STK33: variants seen among roughly 807,000 people sequenced by gnomAD.
STK33 encodes serine/threonine kinase 33, also known as serine/threonine-protein kinase 33.
A neutral mutation model predicts 58.0 loss-of-function variants in STK33; 52 were observed. That is an observed-to-expected ratio of 0.90 (90% confidence interval 0.72 to 1.13). The LOEUF (loss-of-function observed/expected upper bound fraction) is 1.13. Among genes scored for constraint, STK33 ranks in the 50% most tolerant of loss-of-function variants. The pLI is 0.00. For missense variants in STK33, 630 were observed against 604.2 expected (o/e 1.04, Z -0.45); for synonymous variants, 215 against 200.1 (o/e 1.07, Z -0.63).
At chr11:8,435,127 C>A (rs373681235) in intron 14 of STK33, among the ~76,000 whole-genome samples, 8 of 152,286 alleles carry the variant, frequency 5.3e-5, no homozygotes, top group African/African-American at 1.2e-4. Context: ...ATTTTCTACA[C>A]CCCAAGAGTT....
intron 1 of STK33, among the ~76,000 whole-genome samples, chr11:8,548,881 T>A (rs1189003798): frequency 2.0e-5 from 3 of 152,214 alleles, no homozygotes; most frequent in Non-Finnish European, 4.4e-5. Context: ...TATATTCTTG[T>A]AGCTATTGTA....
At chr11:8,506,771 A>G (rs980775602) in intron 1 of STK33, among the ~76,000 whole-genome samples, 1 of 152,000 alleles carries the variant, frequency 6.6e-6, no homozygotes, top group Non-Finnish European at 1.5e-5. Context: ...CTTTATGGCC[A>G]TTTTCCCTCT....
At chr11:8,529,989 T>C (rs2140098831) in intron 1 of STK33, among the ~76,000 whole-genome samples, 1 of 152,230 alleles carries the variant, frequency 6.6e-6, no homozygotes, top group Middle Eastern at 3.4e-3. Context: ...AGCTGGATGT[T>C]TTTAAATGAA....
At chr11:8,419,289 C>A (rs1209885253) in intron 14 of STK33, among the ~76,000 whole-genome samples, 1 of 152,146 alleles carries the variant, frequency 6.6e-6, no homozygotes. Context: ...CAGTTTTAAT[C>A]TTCTGCATAT....
intron 11 of STK33, among the ~76,000 whole-genome samples, chr11:8,448,837 T>G (rs1945870617): frequency 6.6e-6 from 1 of 151,888 alleles, no homozygotes; most frequent in South Asian, 2.1e-4. Flanking sequence ...ACCATCAGAG[T>G]GCACAGGCAA....
intron 10 of STK33, among the ~76,000 whole-genome samples, chr11:8,454,400 G>T (rs79330550): frequency 1.3e-5 from 2 of 151,998 alleles, no homozygotes; most frequent in Non-Finnish European, 2.9e-5. Context: ...AAAAGCACAC[G>T]CAAGGTGTGC....
chr11:8,537,826 TAAAA>T (rs1322304509), intron 1 of STK33, among the ~76,000 whole-genome samples: 1 of 143,376 alleles, frequency 7.0e-6, no homozygotes, highest in Admixed American at 6.9e-5. Flanking sequence ...AAAAAAAAAT[TAAAA>T]AAATAATAAA....
At chr11:8,359,543 T>A in the STK33 span, among the ~76,000 whole-genome samples, 3 of 152,154 alleles carry the variant, frequency 2.0e-5, no homozygotes, top group African/African-American at 7.2e-5. Flanking sequence ...TGATGCTGGG[T>A]GGTCCGGGCA....
chr11:8,528,160 G>T (rs953713547), intron 1 of STK33, among the ~76,000 whole-genome samples: 3 of 152,348 alleles, frequency 2.0e-5, no homozygotes, highest in Non-Finnish European at 4.4e-5. Context: ...AGCCCAGAGA[G>T]TCAGGAGCAT....
At chr11:8,344,194 A>AC in the STK33 span, among the ~76,000 whole-genome samples, 2 of 39,828 alleles carry the variant, frequency 5.0e-5, no homozygotes, top group Non-Finnish European at 1.2e-4. Context: ...TCTAAAACAA[A>AC]CAAAACACAC....
intron 11 of STK33, among the ~76,000 whole-genome samples, chr11:8,441,050 A>G (rs1944677119): frequency 6.6e-6 from 1 of 152,228 alleles, no homozygotes; most frequent in Non-Finnish European, 1.5e-5. Context: ...CTGTAGTTAT[A>G]GTAGAAGACA....
At chr11:8,516,335 G>A (rs536267874) in intron 1 of STK33, among the ~76,000 whole-genome samples, 8 of 152,306 alleles carry the variant, frequency 5.3e-5, no homozygotes, top group African/African-American at 1.4e-4. Flanking sequence ...AATGGCACTG[G>A]GAAAACTGGA....
At chr11:8,464,047 T>C (rs1358524847) in intron 7 of STK33, among the ~76,000 whole-genome samples, 1 of 152,206 alleles carries the variant, frequency 6.6e-6, no homozygotes, top group African/African-American at 2.4e-5. Context: ...GTATTTATCA[T>C]CACAAATCCT....
At chr11:8,473,101 A>T in intron 6 of STK33, 62 bp downstream of exon 6, 1 of 968,652 alleles carries the variant, frequency 1.0e-6, no homozygotes, top group African/African-American at 1.7e-5. Context: ...CATTTTTCCT[A>T]TTAACCATTG....
At chr11:8,422,829 C>T (rs1174392332) in intron 14 of STK33, among the ~76,000 whole-genome samples, 1 of 151,548 alleles carries the variant, frequency 6.6e-6, no homozygotes, top group East Asian at 1.9e-4. Flanking sequence ...TTTTCTCTCT[C>T]TCTTTTTTTT....
the STK33 span, among the ~76,000 whole-genome samples, chr11:8,335,328 T>C: frequency 2.6e-5 from 4 of 152,074 alleles, no homozygotes; most frequent in Middle Eastern, 3.4e-3. Flanking sequence ...AGAAGGAAAC[T>C]CCCGAGGGCT....
In STK33 at chr11:8,553,174, A is replaced by ATATATATATATATATATATATATATGGTG. The variant is rs1565346821; in HGVS notation, c.-466+40908_-466+40909insCACCATATATATATATATATATATATATA. On this transcript the variant is annotated intron_variant, in intron 1 of 15. Coordinates refer to ENST00000687296, the MANE Select transcript of STK33 (RefSeq NM_001352389.2). ...CTCCGTCTCCAAAAATAAAATATATATATATATATATATATATATATATGG... is the reference window on the plus strand; with the variant it reads ...CTCCGTCTCCAAAAATAAAATATATATATATATATATATATATATATATATGGTGTATATATATATATATATATATATGG... 3.7e-3 allele frequency among the ~76,000 whole-genome samples: 250 copies of ATATATATATATATATATATATATATGGTG among 67,716 alleles called. 1 individual carries two copies. Among genetic ancestry groups the ATATATATATATATATATATATATATGGTG allele is most frequent in the Middle Eastern group, 0.014 (2 of 142 alleles). The allele number at this position is 67,716 out of a possible 152,430, so 44.4% of individuals were successfully genotyped here.
At chr11:8,515,999 C>A (rs1366235640) in intron 1 of STK33, among the ~76,000 whole-genome samples, 1 of 152,184 alleles carries the variant, frequency 6.6e-6, no homozygotes, top group African/African-American at 2.4e-5. Context: ...CCAAAGCAAT[C>A]TACAGATTAA....
At chr11:8,404,783 ATAC>A (rs1938786841) in intron 15 of STK33, among the ~76,000 whole-genome samples, 1 of 152,254 alleles carries the variant, frequency 6.6e-6, no homozygotes, top group South Asian at 2.1e-4. Flanking sequence ...CTACAAACAT[ATAC>A]TACAAATCTT....
Sources: allele counts gnomAD v4.1 joint callset (sites outside exome capture counted in the v4.1 genomes callset), GRCh38; gene constraint gnomAD v4.1.1; transcripts MANE v1.5; gene names NCBI Gene and HGNC (gene_info 2026-07-23, HGNC 2026-07-21).